The following RASGEF1C variants were observed in gnomAD, a reference collection of about 807,000 sequenced individuals.
The protein encoded by RASGEF1C is ras-GEF domain-containing family member 1C.
In RASGEF1C, 27 loss-of-function variants were observed where a neutral mutation model predicts 58.1. That is an observed-to-expected ratio of 0.46 (90% confidence interval 0.34 to 0.64). The LOEUF (loss-of-function observed/expected upper bound fraction) is 0.64, where lower values mean the gene tolerates loss of function less well. Ranked by LOEUF, RASGEF1C falls within the 30% of genes least tolerant of loss-of-function variation. The pLI is 0.01. For synonymous variants in RASGEF1C, 243 were observed against 246.3 expected (o/e 0.99, Z 0.13); for missense variants, 502 against 605.1 (o/e 0.83, Z 1.79).
chr5:180,126,995 T>C (rs1173798151), intron 6 of RASGEF1C, among the ~76,000 whole-genome samples: 1 of 151,620 alleles, frequency 6.6e-6, no homozygotes, highest in Non-Finnish European at 1.5e-5. Flanking sequence ...AAAAATGCAA[T>C]CTCATAGTTT....
chr5:180,136,530 G>T lies in RASGEF1C; in HGVS notation c.301-15C>A. 1 of 1,568,592 alleles carries T rather than the reference G, an allele frequency of 6.4e-7. No homozygotes were observed. Among genetic ancestry groups the T allele is most frequent in the East Asian group, 2.3e-5 (1 of 42,804 alleles). Reference sequence around the variant, plus strand: ...CGGACCCGGGCCTACGGGCAAGCGAGGGGCACCGCGCTCGTGAGGGGCGCC... The same window carrying T: ...CGGACCCGGGCCTACGGGCAAGCGATGGGCACCGCGCTCGTGAGGGGCGCC... On this transcript the variant is annotated splice_polypyrimidine_tract_variant and intron_variant, in intron 3 of 13. Transcript: ENST00000361132.
intron 1 of RASGEF1C, among the ~76,000 whole-genome samples, chr5:180,192,184 G>A (rs1167012452): frequency 3.9e-5 from 6 of 152,196 alleles, no homozygotes; most frequent in Non-Finnish European, 7.4e-5. Flanking sequence ...TGATCACACG[G>A]GAAAATATCC....
chr5:180,102,375 G>T (rs1561727264), intron 12 of RASGEF1C, among the ~76,000 whole-genome samples: 2 of 152,138 alleles, frequency 1.3e-5, no homozygotes, highest in African/African-American at 4.8e-5. Context: ...AAATACATGA[G>T]TCTTTATTTC....
At position 180,101,156 on chromosome 5, in the gene RASGEF1C, C is replaced by T; in HGVS notation, c.*345G>A. On this transcript the variant is annotated 3_prime_UTR_variant, in exon 14 of 14. Coordinates refer to ENST00000361132, the MANE Select transcript of RASGEF1C (RefSeq NM_175062.4). ...GGCCAAAGTGGCACATGTCACCAAG[C>T]AAGGTCTCGAGCTTGCAGTGGTCCC... 3.3e-6 allele frequency: 1 copy of T among 307,506 alleles called. No individual in the cohort carries two copies. Among genetic ancestry groups the T allele is most frequent in the East Asian group, 5.5e-5 (1 of 18,088 alleles). The allele number at this position is 307,506 out of a possible 1,614,324, so 19.0% of individuals were successfully genotyped here.
In RASGEF1C at chr5:180,168,495, T is replaced by A. The variant is rs2113307532; in HGVS notation, c.-6-30437A>T. On this transcript the variant is annotated intron_variant, in intron 1 of 13. Coordinates refer to ENST00000361132, the MANE Select transcript of RASGEF1C (RefSeq NM_175062.4). The surrounding 1 kb of genome is among the most constrained non-coding windows in gnomAD (Gnocchi z 6.0). Reference sequence around the variant, plus strand: ...TCCAGGGGATTGCTTTCCTGAGCAATCTTTATGGTATCTTCCAGTTTCCTG... The same window carrying A: ...TCCAGGGGATTGCTTTCCTGAGCAAACTTTATGGTATCTTCCAGTTTCCTG... Among the ~76,000 whole-genome samples the A allele has an allele frequency of 6.6e-6, 1 of 152,270 alleles. No individual in the cohort carries two copies. The highest frequency in any genetic ancestry group is 1.9e-4 in the East Asian group (1 of 5,180).
chr5:180,182,475 G>A (rs184604922), intron 1 of RASGEF1C, among the ~76,000 whole-genome samples: 6 of 152,166 alleles, frequency 3.9e-5, no homozygotes, highest in South Asian at 2.1e-4. Flanking sequence ...GCAGGTTGCC[G>A]CTGTTGGCTG....
chr5:180,189,398 C>T (rs10479566), intron 1 of RASGEF1C, among the ~76,000 whole-genome samples: 54,422 of 151,960 alleles, frequency 0.36, 10,311 homozygotes, highest in Middle Eastern at 0.45. Flanking sequence ...TTTCAAAATG[C>T]CAAGAACTGG....
At chr5:180,192,681 C>T (rs6859090) in intron 1 of RASGEF1C, among the ~76,000 whole-genome samples, 90,686 of 151,324 alleles carry the variant, frequency 0.6, 28,614 homozygotes, top group East Asian at 0.87. Flanking sequence ...AGTGACTATA[C>T]GTAGAAATGA....
chr5:180,121,681 A>ACACAC (rs71892414), intron 6 of RASGEF1C, among the ~76,000 whole-genome samples: 86 of 73,518 alleles, frequency 1.2e-3, no homozygotes, highest in African/African-American at 2.7e-3. Flanking sequence ...ACACACACAC[A>ACACAC]CCCTCATTAT....
chr5:180,127,705 G>A, intron 5 of RASGEF1C, 22 bp from the exon 6 acceptor site: 1 of 1,607,322 alleles, frequency 6.2e-7, no homozygotes, highest in Non-Finnish European at 8.5e-7. Context: ...GGTGAAGAGT[G>A]GGTAAAAGAG....
At chr5:180,109,338 G>A (rs183164610) in intron 12 of RASGEF1C, among the ~76,000 whole-genome samples, 2,369 of 152,090 alleles carry the variant, frequency 0.016, 81 homozygotes, top group African/African-American at 0.055. Context: ...GGTGCCTGTA[G>A]TCCCAGCTAC....
At position 180,143,722 on chromosome 5, in the gene RASGEF1C, A is replaced by T. The variant is rs541622074; in HGVS notation, c.-6-5664T>A. 2.0e-5 allele frequency among the ~76,000 whole-genome samples: 3 copies of T among 152,330 alleles called. No homozygotes were observed. In the East Asian group the frequency reaches 5.8e-4, roughly 29 times the overall value. On this transcript the variant is annotated intron_variant, in intron 1 of 13. Transcript: ENST00000361132. This position sits in a 1 kb window ranked among gnomAD's most constrained non-coding sequence, Gnocchi z 4.3. Reference sequence around the variant, plus strand: ...CACTGATGGGGCCACACAGTGAGTTAAAGCACAGTTAGAAATGACATCTGT... The same window carrying T: ...CACTGATGGGGCCACACAGTGAGTTTAAGCACAGTTAGAAATGACATCTGT...
chr5:180,109,864 A>G (rs918387714), intron 12 of RASGEF1C, among the ~76,000 whole-genome samples: 1 of 152,194 alleles, frequency 6.6e-6, no homozygotes, highest in African/African-American at 2.4e-5. Flanking sequence ...TTTAGCCCAG[A>G]GAAACTCATT....
intron 1 of RASGEF1C, among the ~76,000 whole-genome samples, chr5:180,204,640 A>G (rs1756458616): frequency 6.6e-6 from 1 of 151,930 alleles, no homozygotes; most frequent in Admixed American, 6.6e-5. Context: ...CTATCTATCT[A>G]TCTATCTATC....
At chr5:180,118,091 A>G (rs1766100007) in intron 10 of RASGEF1C, among the ~76,000 whole-genome samples, 1 of 151,946 alleles carries the variant, frequency 6.6e-6, no homozygotes, top group African/African-American at 2.4e-5. Context: ...ATGTGATCTG[A>G]GGCCACATAA....
At chr5:180,160,781 G>A (rs992208545) in intron 1 of RASGEF1C, among the ~76,000 whole-genome samples, 7 of 152,156 alleles carry the variant, frequency 4.6e-5, no homozygotes, top group Non-Finnish European at 7.3e-5. Flanking sequence ...GCTTGAGAAC[G>A]TCCCTGTAAA....
At chr5:180,200,815 G>C (rs1401202433) in intron 1 of RASGEF1C, among the ~76,000 whole-genome samples, 1 of 152,100 alleles carries the variant, frequency 6.6e-6, no homozygotes, top group Non-Finnish European at 1.5e-5. Context: ...AACTGGTGTG[G>C]GCGAGGAAAG....
intron 1 of RASGEF1C, among the ~76,000 whole-genome samples, chr5:180,181,317 G>A (rs948926024): frequency 6.6e-6 from 1 of 152,204 alleles, no homozygotes. Context: ...TAAATATGTG[G>A]AAAAGAGATG....
chr5:180,178,570 G>A (rs952058756), intron 1 of RASGEF1C, among the ~76,000 whole-genome samples: 16 of 152,064 alleles, frequency 1.1e-4, no homozygotes, highest in Admixed American at 2.6e-4. Context: ...GTGAGCCACC[G>A]TGACTGGCTA....
Sources: gnomAD v4.1 joint callset for allele counts (sites outside exome capture counted in the v4.1 genomes callset) on GRCh38, gnomAD v4.1.1 for gene constraint, Gnocchi (gnomAD v3.1) non-coding constraint, MANE v1.5 for transcripts, NCBI Gene and HGNC (gene_info 2026-07-23, HGNC 2026-07-21) for gene names.